Variants in CAB39L observed in about 807,000 individuals in gnomAD.
CAB39L encodes the protein calcium-binding protein 39-like.
Under a neutral mutation model 39.1 loss-of-function variants are expected in CAB39L, and 23 were observed. The observed-to-expected ratio is 0.59, with a 90% CI of 0.42 to 0.83. The LOEUF (loss-of-function observed/expected upper bound fraction) is 0.83. Ranked by LOEUF, CAB39L falls within the 40% of genes least tolerant of loss-of-function variation. The pLI is 0.00. For synonymous variants in CAB39L, 126 were observed against 137.2 expected, an observed-to-expected ratio of 0.92 and a Z score of 0.57; for missense variants, 366 against 391.9, an observed-to-expected ratio of 0.93 and a Z score of 0.56.
At chr13:49,439,330 T>C (rs187554851) in intron 1 of CAB39L, among the ~76,000 whole-genome samples, 1 of 152,342 alleles carries the variant, frequency 6.6e-6, no homozygotes, top group East Asian at 1.9e-4. Context: ...TGGGGGTACA[T>C]GTGCAGATTT....
chr13:49,424,441 T>C (rs1420947172), intron 3 of CAB39L, among the ~76,000 whole-genome samples: 1 of 152,196 alleles, frequency 6.6e-6, no homozygotes, highest in Non-Finnish European at 1.5e-5. Context: ...TCTGAAAAAC[T>C]GTCACAGCCA....
intron 1 of CAB39L, among the ~76,000 whole-genome samples, chr13:49,440,011 T>C (rs1480298135): frequency 6.7e-6 from 1 of 148,220 alleles, no homozygotes. Context: ...TTGCAAATAT[T>C]TTCTCCTATT....
At chr13:49,313,604 A>C (rs1461132920) in intron 10 of CAB39L, among the ~76,000 whole-genome samples, 1 of 152,092 alleles carries the variant, frequency 6.6e-6, no homozygotes, top group Non-Finnish European at 1.5e-5. Context: ...TCTTATGTGA[A>C]CTCCTGGTGG....
chr13:49,321,773 A>T (rs915697520), intron 10 of CAB39L, among the ~76,000 whole-genome samples: 3 of 152,244 alleles, frequency 2.0e-5, no homozygotes, highest in Non-Finnish European at 4.4e-5. Flanking sequence ...GATCAAAGAA[A>T]TGGGAACGCC....
intron 10 of CAB39L, among the ~76,000 whole-genome samples, chr13:49,328,695 A>T (rs566684803): frequency 6.6e-6 from 1 of 152,242 alleles, no homozygotes; most frequent in Non-Finnish European, 1.5e-5. Context: ...TTAGTTGGGC[A>T]TGGTAAGGGC....
chr13:49,358,375 A>G (rs1467848857), intron 6 of CAB39L, among the ~76,000 whole-genome samples: 2 of 152,224 alleles, frequency 1.3e-5, no homozygotes, highest in African/African-American at 4.8e-5. Flanking sequence ...AGGAAATAGA[A>G]TAATGGTGGC....
chr13:49,360,100 AG>A (rs1566089128), intron 5 of CAB39L, among the ~76,000 whole-genome samples: 1 of 152,230 alleles, frequency 6.6e-6, no homozygotes, highest in African/African-American at 2.4e-5. Context: ...AGAGCATGGA[AG>A]GACATAAAGT....
At chr13:49,390,448 A>G (rs1240774860) in intron 3 of CAB39L, among the ~76,000 whole-genome samples, 6 of 152,180 alleles carry the variant, frequency 3.9e-5, no homozygotes, top group South Asian at 2.1e-4. Context: ...GAAGAAAGTC[A>G]TATCAGCTGC....
At chr13:49,393,745 G>A (rs1169282980) in intron 3 of CAB39L, among the ~76,000 whole-genome samples, 2 of 151,874 alleles carry the variant, frequency 1.3e-5, no homozygotes, top group East Asian at 3.8e-4. Context: ...TTAAATGTCA[G>A]TTATTCTTAA....
intron 10 of CAB39L, among the ~76,000 whole-genome samples, chr13:49,324,882 T>C (rs1954452983): frequency 6.6e-6 from 1 of 152,254 alleles, no homozygotes; most frequent in Non-Finnish European, 1.5e-5. Flanking sequence ...AAACTAGACA[T>C]GTATCCCAAA....
intron 10 of CAB39L, among the ~76,000 whole-genome samples, chr13:49,329,541 AAAAATATATATAT>A (rs1231680188): frequency 4.9e-4 from 18 of 36,488 alleles, no homozygotes; most frequent in Non-Finnish European, 7.3e-4. Flanking sequence ...AATTAAAAAA[AAAAATATATATAT>A]ATATATATAT....
chr13:49,414,086 T>A (rs1345831509), intron 3 of CAB39L: 1 of 152,220 alleles, frequency 6.6e-6, no homozygotes, highest in Non-Finnish European at 1.5e-5. Flanking sequence ...AAATGAATTA[T>A]CCATGCTTTT....
intron 3 of CAB39L, among the ~76,000 whole-genome samples, chr13:49,427,107 C>T (rs1262905635): frequency 6.6e-6 from 1 of 152,140 alleles, no homozygotes. Context: ...TGGAAATCTT[C>T]TTAGCTACGG....
At chr13:49,440,384 T>C (rs1957489615) in intron 1 of CAB39L, among the ~76,000 whole-genome samples, 2 of 152,120 alleles carry the variant, frequency 1.3e-5, no homozygotes, top group African/African-American at 4.8e-5. Context: ...CTTCCTTTTG[T>C]CAATTTTGTT....
intron 9 of CAB39L, among the ~76,000 whole-genome samples, 178 bp downstream of exon 9, chr13:49,339,499 A>G (rs1470384981): frequency 1.3e-5 from 2 of 152,208 alleles, no homozygotes; most frequent in African/African-American, 4.8e-5. Context: ...AGGACAGGAC[A>G]CTTACATTAT....
rs147038277 is a variant in CAB39L at position 49,396,526 on chromosome 13, T to C, written c.-31-13585A>G. 3.2e-3 allele frequency among the ~76,000 whole-genome samples: 488 copies of C among 152,174 alleles called. 5 individuals carry two copies. The highest frequency in any genetic ancestry group is 0.011 in the African/African-American group (467 of 41,514). On this transcript the variant is annotated intron_variant, in intron 3 of 10. Coordinates refer to ENST00000409308, the MANE Select transcript of CAB39L (RefSeq NM_001079670.3). ...GAGATTGAGACCAGCCTAGCCAACA[T>C]GGTGAAACCTCGTCTCTACTAAAAT... is the stretch of plus-strand genomic sequence containing the variant.
At chr13:49,428,845 G>A (rs1040027174) in intron 3 of CAB39L, among the ~76,000 whole-genome samples, 2 of 116,344 alleles carry the variant, frequency 1.7e-5, no homozygotes, top group East Asian at 2.7e-4. Context: ...CATAGACAAC[G>A]GTCTACCACA....
At position 49,341,137 on chromosome 13, in the gene CAB39L, A is replaced by G. The variant is rs535750248; in HGVS notation, c.625-1395T>C. Among the ~76,000 whole-genome samples, 64 of 152,370 alleles carry G rather than the reference A, an allele frequency of 4.2e-4. 1 individual carries two copies. The highest frequency in any genetic ancestry group is 1.4e-3 in the African/African-American group (59 of 41,602). On this transcript the variant is annotated intron_variant, in intron 8 of 10. Coordinates refer to ENST00000409308, the MANE Select transcript of CAB39L (RefSeq NM_001079670.3). The stretch of plus-strand genomic sequence containing the variant: ...CTTTTAAAAATTTTATTTCTTATAA[A>G]TGTGACATCTAATGAATCTTTCCTT...
At chr13:49,339,793 C>T (rs540965239) in intron 8 of CAB39L, 51 bp from the exon 9 acceptor site, 67 of 1,430,452 alleles carry the variant, frequency 4.7e-5, no homozygotes, top group Admixed American at 2.5e-4. Context: ...GTGGATTCTC[C>T]GTATTAGGCT....
Sources: gnomAD v4.1 joint callset for allele counts (sites outside exome capture counted in the v4.1 genomes callset) on GRCh38, gnomAD v4.1.1 for gene constraint, MANE v1.5 for transcripts, NCBI Gene and HGNC (gene_info 2026-07-23, HGNC 2026-07-21) for gene names.